Variants in LCOR observed in about 807,000 individuals in gnomAD.
LCOR encodes the protein ligand-dependent corepressor.
In LCOR, 14 loss-of-function variants were observed where a neutral mutation model predicts 64.4. The observed-to-expected ratio is 0.22, with a 90% CI of 0.14 to 0.34. The LOEUF (loss-of-function observed/expected upper bound fraction) is 0.34. Among genes scored for constraint, LCOR ranks in the 10% least tolerant of loss-of-function variants. The probability of loss-of-function intolerance (pLI) is 1.00; values close to 1 mark genes in which losing one functional copy is unlikely to be tolerated. For synonymous variants in LCOR, 643 were observed against 642.5 expected (o/e 1.00, Z -0.01); for missense variants, 1,686 against 1,765.3 (o/e 0.96, Z 0.80).
At chr10:96,916,572 T>C (rs1255069677) in intron 4 of LCOR, among the ~76,000 whole-genome samples, 1 of 146,936 alleles carries the variant, frequency 6.8e-6, no homozygotes, top group Non-Finnish European at 1.5e-5. Flanking sequence ...GAAACACATA[T>C]GAGATATTTA....
chr10:96,859,957 C>T (rs1253291071), intron 2 of LCOR, among the ~76,000 whole-genome samples: 1 of 152,128 alleles, frequency 6.6e-6, no homozygotes, highest in Non-Finnish European at 1.5e-5. Context: ...TCAGTATGGC[C>T]AGTGGAGTGT....
chr10:96,904,916 AAAAT>A (rs1846702518), intron 2 of LCOR, among the ~76,000 whole-genome samples: 1 of 152,222 alleles, frequency 6.6e-6, no homozygotes, highest in Non-Finnish European at 1.5e-5. Flanking sequence ...AGAGGGTAGC[AAAAT>A]ACGACTTTAC....
intron 4 of LCOR, among the ~76,000 whole-genome samples, chr10:96,913,902 GAA>G (rs112962978): frequency 5.7e-5 from 8 of 139,150 alleles, no homozygotes; most frequent in African/African-American, 1.3e-4. Context: ...AGACTGTCTG[GAA>G]AAAAAAAAAA....
intron 4 of LCOR, among the ~76,000 whole-genome samples, chr10:96,931,969 A>G (rs1564629743): frequency 6.6e-6 from 1 of 152,196 alleles, no homozygotes; most frequent in Non-Finnish European, 1.5e-5. Context: ...TGCTATTGTG[A>G]TCAAAAACAC....
At chr10:96,855,932 C>T (rs924934039) in intron 2 of LCOR, among the ~76,000 whole-genome samples, 1 of 150,594 alleles carries the variant, frequency 6.6e-6, no homozygotes, top group Admixed American at 6.6e-5. Flanking sequence ...TTAGTAGTTA[C>T]AGAGTTTCTC....
At chr10:96,916,570 T>C (rs1480688544) in intron 4 of LCOR, among the ~76,000 whole-genome samples, 3 of 147,590 alleles carry the variant, frequency 2.0e-5, no homozygotes, top group African/African-American at 5.1e-5. Flanking sequence ...AAGAAACACA[T>C]ATGAGATATT....
chr10:96,966,838 T>C (rs997101293), intron 7 of LCOR, among the ~76,000 whole-genome samples: 2 of 152,158 alleles, frequency 1.3e-5, no homozygotes, highest in African/African-American at 2.4e-5. Flanking sequence ...TGGGCTTACG[T>C]GATCCTCCCA....
intron 5 of LCOR, among the ~76,000 whole-genome samples, chr10:96,947,591 C>CT (rs1847610372): frequency 6.6e-6 from 1 of 152,074 alleles, no homozygotes; most frequent in African/African-American, 2.4e-5. Context: ...TTTCTGAGAA[C>CT]TGTCTTGTAA....
Position 96,866,110 on chromosome 10 carries a change from C to G in LCOR, c.-330+32631C>G, listed in dbSNP as rs530000829. On this transcript the variant is annotated intron_variant, in intron 2 of 7. Coordinates refer to ENST00000421806, the MANE Select transcript of LCOR (RefSeq NM_001346516.2). The stretch of plus-strand genomic sequence containing the variant: ...TGTGGTGCTCTATTTATTAACAGTT[C>G]ATTCCTTTTTTAGCGGATTTACTGA... Among the ~76,000 whole-genome samples, 4 of 152,252 alleles carry G rather than the reference C, an allele frequency of 2.6e-5. No individual in the cohort carries two copies. In the East Asian group the frequency reaches 7.7e-4, roughly 29 times the overall value.
Position 96,981,152 on chromosome 10 carries a change from A to G in LCOR, c.692A>G (p.Asn231Ser), listed in dbSNP as rs1848081320. The G allele has an allele frequency of 1.4e-6, 1 of 709,794 alleles. No homozygotes were observed. Among genetic ancestry groups the G allele is most frequent in the African/African-American group, 1.7e-5 (1 of 57,378 alleles). 44.0% of individuals were successfully genotyped at this position (709,794 alleles called of 1,614,324 possible). The change falls in exon 8 of 8, where the codon AAC becomes AGC. Residue 231 changes from asparagine (N) to serine (S), a missense_variant. Coordinates refer to ENST00000421806, the MANE Select transcript of LCOR (RefSeq NM_001346516.2). ...CCGAAGAAGCCTCCTCCTGAGATAAACCCTGTAGATGGAAGAGAGAATGCC... is the reference window on the plus strand; with the variant it reads ...CCGAAGAAGCCTCCTCCTGAGATAAGCCCTGTAGATGGAAGAGAGAATGCC... Reference protein sequence around the residue: ...QTPKKPPPEINPVDGRENALT... With the variant: ...QTPKKPPPEISPVDGRENALT...
At chr10:96,832,705 C>G (rs1234138822) in intron 1 of LCOR, among the ~76,000 whole-genome samples, 2 of 150,958 alleles carry the variant, frequency 1.3e-5, no homozygotes, top group East Asian at 2.0e-4. Context: ...CCCTCCCTCC[C>G]CGCTCCCGCC....
rs564957789 is a variant in LCOR at position 96,873,536 on chromosome 10, G to A, written c.-329-33729G>A. ...TATATTTGAATAGATACAGTGCTAA[G>A]TAAGTTGTTTTGTTTTTCGATACAC... is the stretch of plus-strand genomic sequence containing the variant. On this transcript the variant is annotated intron_variant, in intron 2 of 7. Transcript: ENST00000421806. 7.4e-5 allele frequency among the ~76,000 whole-genome samples: 11 copies of A among 148,292 alleles called. No individual in the cohort carries two copies. In the South Asian group the frequency reaches 1.5e-3, roughly 20 times the overall value.
chr10:96,837,620 A>G (rs905923581), intron 2 of LCOR, among the ~76,000 whole-genome samples: 1 of 152,198 alleles, frequency 6.6e-6, no homozygotes, highest in Non-Finnish European at 1.5e-5. Flanking sequence ...ATTATCTTCT[A>G]AGCAAGCTCA....
chr10:96,861,730 C>G (rs368471643), intron 2 of LCOR, among the ~76,000 whole-genome samples: 1 of 152,004 alleles, frequency 6.6e-6, no homozygotes, highest in East Asian at 1.9e-4. Context: ...ATTTTTAGTA[C>G]AGATGGGGTT....
chr10:96,921,341 G>C (rs547893874), intron 4 of LCOR, among the ~76,000 whole-genome samples: 4 of 152,154 alleles, frequency 2.6e-5, no homozygotes, highest in East Asian at 3.9e-4. Flanking sequence ...GAAGCTTTCC[G>C]AACCCTGTTT....
At chr10:96,923,269 T>G (rs868667597) in intron 4 of LCOR, among the ~76,000 whole-genome samples, 1 of 152,254 alleles carries the variant, frequency 6.6e-6, no homozygotes, top group African/African-American at 2.4e-5. Flanking sequence ...GGGGAGTCTT[T>G]GCTAACATAA....
intron 2 of LCOR, among the ~76,000 whole-genome samples, chr10:96,891,999 G>GT (rs915464060): frequency 3.3e-5 from 5 of 152,154 alleles, no homozygotes; most frequent in African/African-American, 1.2e-4. Context: ...TTTACGGCAA[G>GT]TTTTTTTGTG....
intron 7 of LCOR, among the ~76,000 whole-genome samples, chr10:96,979,326 A>G (rs1179812472): frequency 6.6e-6 from 1 of 152,228 alleles, no homozygotes; most frequent in East Asian, 1.9e-4. Context: ...TTAAAAAATT[A>G]TATAAAACTC....
At chr10:96,893,026 T>A (rs1846472726) in intron 2 of LCOR, among the ~76,000 whole-genome samples, 1 of 152,228 alleles carries the variant, frequency 6.6e-6, no homozygotes, top group Non-Finnish European at 1.5e-5. Flanking sequence ...ATTTTTGTGT[T>A]ACATATTTTC....
Sources: gnomAD v4.1 joint callset for allele counts (sites outside exome capture counted in the v4.1 genomes callset) on GRCh38, gnomAD v4.1.1 for gene constraint, MANE v1.5 for transcripts, NCBI Gene and HGNC (gene_info 2026-07-23, HGNC 2026-07-21) for gene names.